The following CCDC60 variants were observed in gnomAD, a reference collection of about 807,000 sequenced individuals.
The protein encoded by CCDC60 is coiled-coil domain containing 60, also known as coiled-coil domain-containing protein 60.
Under a neutral mutation model 63.5 loss-of-function variants are expected in CCDC60, and 54 were observed. The ratio of observed to expected loss-of-function variants is 0.85; its 90% CI spans 0.68 to 1.07. The LOEUF is 1.07. Ranked by LOEUF, CCDC60 falls within the 50% of genes least tolerant of loss-of-function variation. CCDC60 has a pLI of 0.00. For missense variants in CCDC60, 651 were observed against 684.3 expected (o/e 0.95, Z 0.54); for synonymous variants, 206 against 238.8 (o/e 0.86, Z 1.27).
chr12:119,515,065 C>T (rs1288752476), intron 7 of CCDC60, among the ~76,000 whole-genome samples: 1 of 152,144 alleles, frequency 6.6e-6, no homozygotes, highest in Non-Finnish European at 1.5e-5. Context: ...GTAAGCTATG[C>T]CATCTAGGTT....
At chr12:119,520,272 C>A in intron 9 of CCDC60, 80 bp downstream of exon 9, 3 of 1,168,014 alleles carry the variant, frequency 2.6e-6, no homozygotes, top group Non-Finnish European at 3.7e-6. Context: ...ATGCTCCTCC[C>A]CAGACCATGG....
At chr12:119,516,180 GCTGCAACCT>G (rs1437567660) in intron 7 of CCDC60, among the ~76,000 whole-genome samples, 1 of 151,998 alleles carries the variant, frequency 6.6e-6, no homozygotes, top group East Asian at 1.9e-4. Flanking sequence ...ATCTCGGCTC[GCTGCAACCT>G]CTGCCTCTCA....
intron 1 of CCDC60, among the ~76,000 whole-genome samples, chr12:119,361,610 T>A (rs1035803296): frequency 6.6e-6 from 1 of 152,156 alleles, no homozygotes; most frequent in African/African-American, 2.4e-5. Context: ...GAGACCAGGG[T>A]TACCCACATT....
intron 5 of CCDC60, among the ~76,000 whole-genome samples, chr12:119,490,148 C>T (rs747142686): frequency 1.3e-5 from 2 of 152,108 alleles, no homozygotes; most frequent in African/African-American, 2.4e-5. Context: ...ATTACCCATC[C>T]CCTAGATCTC....
At chr12:119,433,691 G>A in intron 2 of CCDC60, 1 of 666,140 alleles carries the variant, frequency 1.5e-6, no homozygotes, top group South Asian at 1.7e-5. Context: ...TCCTGTTGGA[G>A]ACTAGCTCAC....
chr12:119,452,778 CA>C (rs1453570338), intron 2 of CCDC60, among the ~76,000 whole-genome samples: 1 of 151,498 alleles, frequency 6.6e-6, no homozygotes, highest in Non-Finnish European at 1.5e-5. Context: ...AATCCCACAG[CA>C]ATTTTTTGGT....
At chr12:119,407,255 C>T (rs559348734) in intron 1 of CCDC60, among the ~76,000 whole-genome samples, 1 of 151,944 alleles carries the variant, frequency 6.6e-6, no homozygotes, top group Admixed American at 6.6e-5. Flanking sequence ...ACCTATAATC[C>T]CAGCACTTTG....
At chr12:119,490,948 TA>T (rs1951567448) in intron 5 of CCDC60, among the ~76,000 whole-genome samples, 2 of 152,236 alleles carry the variant, frequency 1.3e-5, no homozygotes, top group African/African-American at 2.4e-5. Flanking sequence ...TATAAGTATA[TA>T]AAGTATGAAA....
chr12:119,453,277 C>T (rs945798154), intron 2 of CCDC60, among the ~76,000 whole-genome samples: 3 of 152,164 alleles, frequency 2.0e-5, no homozygotes, highest in African/African-American at 7.2e-5. Flanking sequence ...ATTCTTCTTT[C>T]CATTTCTTTA....
intron 4 of CCDC60, among the ~76,000 whole-genome samples, chr12:119,480,691 A>G (rs1951286831): frequency 6.7e-6 from 1 of 149,394 alleles, no homozygotes; most frequent in Non-Finnish European, 1.5e-5. Context: ...CCTCACCACC[A>G]TTATCATCAC....
chr12:119,383,997 C>A (rs1467329060), intron 1 of CCDC60, among the ~76,000 whole-genome samples: 6 of 152,078 alleles, frequency 3.9e-5, no homozygotes, highest in Non-Finnish European at 8.8e-5. Flanking sequence ...GAGATTGAGA[C>A]CATCCTGGCT....
chr12:119,347,058 C>T (rs527456427), intron 1 of CCDC60, among the ~76,000 whole-genome samples: 11 of 151,976 alleles, frequency 7.2e-5, no homozygotes, highest in Non-Finnish European at 1.5e-4. Context: ...CTCCTGACCT[C>T]GTGATCCACC....
At chr12:119,358,575 C>T (rs1288305054) in intron 1 of CCDC60, among the ~76,000 whole-genome samples, 1 of 152,164 alleles carries the variant, frequency 6.6e-6, no homozygotes, top group Non-Finnish European at 1.5e-5. Flanking sequence ...CAAAAAACCC[C>T]CTCAAACATC....
At chr12:119,340,972 T>C (rs1179649295) in intron 1 of CCDC60, among the ~76,000 whole-genome samples, 1 of 152,222 alleles carries the variant, frequency 6.6e-6, no homozygotes, top group Admixed American at 6.5e-5. Context: ...ACTCATGACT[T>C]AAGCCAGGAA....
At chr12:119,463,390 G>C (rs1308403343) in intron 2 of CCDC60, among the ~76,000 whole-genome samples, 1 of 152,230 alleles carries the variant, frequency 6.6e-6, no homozygotes, top group East Asian at 1.9e-4. Context: ...AACCAGCGCA[G>C]TGCACAGCTG....
At chr12:119,351,413 C>T (rs4238062) in intron 1 of CCDC60, among the ~76,000 whole-genome samples, 106,591 of 152,020 alleles carry the variant, frequency 0.7, 37,599 homozygotes, top group East Asian at 0.81. Context: ...TCTGGGTAAC[C>T]TATACAGACA....
chr12:119,433,455 A>G, intron 2 of CCDC60: 1 of 702,366 alleles, frequency 1.4e-6, no homozygotes, highest in Non-Finnish European at 2.6e-6. Context: ...GCAAGCAAGA[A>G]AGAAACGACA....
chr12:119,523,513 T>C (rs1443532285), intron 10 of CCDC60, among the ~76,000 whole-genome samples, 180 bp from the exon 11 acceptor site: 7 of 152,204 alleles, frequency 4.6e-5, no homozygotes. Flanking sequence ...GGAAGATCTG[T>C]CCTTTCTACA....
At chr12:119,511,648 T>A (rs1486157757) in intron 7 of CCDC60, among the ~76,000 whole-genome samples, 2 of 152,166 alleles carry the variant, frequency 1.3e-5, no homozygotes, top group African/African-American at 4.8e-5. Context: ...AGGCTGGGCA[T>A]GGAAGATGGA....
Sources: allele counts gnomAD v4.1 joint callset (sites outside exome capture counted in the v4.1 genomes callset), GRCh38; gene constraint gnomAD v4.1.1; transcripts MANE v1.5; gene names NCBI Gene and HGNC (gene_info 2026-07-23, HGNC 2026-07-21).